The following DPY19L1 variants were observed in gnomAD, a reference collection of about 807,000 sequenced individuals.
The protein encoded by DPY19L1 is protein C-mannosyl-transferase DPY19L1.
In DPY19L1, 35 loss-of-function variants were observed where a neutral mutation model predicts 96.9. The ratio of observed to expected loss-of-function variants is 0.36; its 90% CI spans 0.28 to 0.48. The LOEUF is 0.48. DPY19L1 is among the 20% of genes least tolerant of loss of function. The pLI is 0.99. For synonymous variants in DPY19L1, 205 were observed against 252.6 expected (o/e 0.81, Z 1.79); for missense variants, 521 against 777.9 (o/e 0.67, Z 3.93).
intron 1 of DPY19L1, among the ~76,000 whole-genome samples, chr7:35,032,359 C>T (rs747384230): frequency 2.4e-4 from 37 of 152,028 alleles, no homozygotes; most frequent in Non-Finnish European, 4.7e-4. Context: ...GCCTCAGATT[C>T]CCCCCACGTG....
intron 21 of DPY19L1, among the ~76,000 whole-genome samples, chr7:34,931,963 T>C (rs1380877971): frequency 6.6e-6 from 1 of 152,170 alleles, no homozygotes; most frequent in Non-Finnish European, 1.5e-5. Flanking sequence ...TGTAGATACA[T>C]ATATCCAGGT....
At chr7:35,037,605 C>T, upstream of DPY19L1, 1 of 254,852 alleles carries the variant, frequency 3.9e-6, no homozygotes, top group Non-Finnish European at 7.4e-6. Context: ...GGAGGCGGCG[C>T]CGGACTTGCT....
At chr7:34,976,373 C>T (rs984523362) in intron 7 of DPY19L1, among the ~76,000 whole-genome samples, 11 of 152,094 alleles carry the variant, frequency 7.2e-5, no homozygotes, top group African/African-American at 2.7e-4. Context: ...CTGCTGTAAT[C>T]TCATGATAAA....
At chr7:34,978,061 A>G (rs1469223496) in intron 7 of DPY19L1, among the ~76,000 whole-genome samples, 1 of 152,164 alleles carries the variant, frequency 6.6e-6, no homozygotes, top group Non-Finnish European at 1.5e-5. Flanking sequence ...TCTCAAAAGT[A>G]GCTTAATTTT....
chr7:35,009,781 C>A lies in DPY19L1; in HGVS notation c.764+687G>T, dbSNP rs536572928. Among the ~76,000 whole-genome samples, 35 of 152,128 alleles carry A rather than the reference C, an allele frequency of 2.3e-4. 1 individual carries two copies. In the East Asian group the frequency reaches 4.2e-3, roughly 18 times the overall value. On this transcript the variant is annotated intron_variant, in intron 6 of 21. Transcript: ENST00000638088. ...AGTAGTCTACAGACTTTTTTTACAC[C>A]AAAACTACAGTAAGAAGTAAGACTT...
At position 34,947,641 on chromosome 7, in the gene DPY19L1, T is replaced by C. The variant is rs761440561; in HGVS notation, c.1483A>G (p.Ile495Val). Residue 495 changes from isoleucine to valine, a missense_variant, in exon 15 of 22, where the codon ATT (isoleucine) becomes GTT (valine). Physicochemically the swap from Ile to Val is conservative, Grantham distance 29 (BLOSUM62 3). Transcript: ENST00000638088. ...AGTGATAGACATACCTTTCTAACAA[T>C]AGCAACAAACACTACAAGAACAACT... ...LPVVLVVFVA[I>V]VRKIISDMWG... The C allele has an allele frequency of 1.6e-5, 25 of 1,611,562 alleles. No homozygotes were observed. Among genetic ancestry groups the C allele is most frequent in the African/African-American group, 1.1e-4 (8 of 74,828 alleles).
intron 14 of DPY19L1, among the ~76,000 whole-genome samples, chr7:34,948,307 T>C (rs1312309732): frequency 1.3e-5 from 2 of 152,232 alleles, no homozygotes; most frequent in African/African-American, 4.8e-5. Context: ...GTGTTAATTA[T>C]GGGTTAATAA....
At chr7:35,007,364 T>G (rs533797177) in intron 6 of DPY19L1, among the ~76,000 whole-genome samples, 1 of 151,322 alleles carries the variant, frequency 6.6e-6, no homozygotes, top group South Asian at 2.1e-4. Context: ...GGTCCAAGAG[T>G]TGGGTAACAC....
At chr7:34,946,873 G>A (rs1784158861) in intron 15 of DPY19L1, among the ~76,000 whole-genome samples, 1 of 152,238 alleles carries the variant, frequency 6.6e-6, no homozygotes, top group South Asian at 2.1e-4. Context: ...AAATACTCAT[G>A]TGAAAATGTT....
chr7:34,997,564 C>A (rs566848957), intron 6 of DPY19L1, among the ~76,000 whole-genome samples: 52 of 144,050 alleles, frequency 3.6e-4, no homozygotes, highest in African/African-American at 1.3e-3. Context: ...GAGCTGAGAT[C>A]GCGCCACTGC....
At chr7:34,998,163 G>A (rs917718176) in intron 6 of DPY19L1, among the ~76,000 whole-genome samples, 1 of 152,204 alleles carries the variant, frequency 6.6e-6, no homozygotes, top group African/African-American at 2.4e-5. Flanking sequence ...TGAAGGTATT[G>A]TCCTCTGACT....
chr7:34,959,909 A>AAATATATATATTTT (rs1562806867), intron 10 of DPY19L1, among the ~76,000 whole-genome samples: 6 of 116,988 alleles, frequency 5.1e-5, no homozygotes, highest in Admixed American at 1.6e-4. Flanking sequence ...ATATATATAT[A>AAATATATATATTTT]TATATATATA....
At chr7:34,976,438 A>C (rs1036157848) in intron 7 of DPY19L1, among the ~76,000 whole-genome samples, 1 of 152,238 alleles carries the variant, frequency 6.6e-6, no homozygotes, top group African/African-American at 2.4e-5. Flanking sequence ...GTTTCTTGAA[A>C]TGGGATCTAC....
At position 35,012,304 on chromosome 7, in the gene DPY19L1, T is replaced by A. The variant is rs114300433; in HGVS notation, c.550-854A>T. 5.3e-3 allele frequency among the ~76,000 whole-genome samples: 807 copies of A among 152,286 alleles called. 7 individuals are homozygous for A. The highest frequency in any genetic ancestry group is 0.019 in the African/African-American group (779 of 41,558). On this transcript the variant is annotated intron_variant, in intron 4 of 21. Transcript: ENST00000638088. ...CACAGTGACTGTATCAAAGCTCTCCTCTTCCTCCTACCTCATTCTGCTTCA... is the reference window on the plus strand; with the variant it reads ...CACAGTGACTGTATCAAAGCTCTCCACTTCCTCCTACCTCATTCTGCTTCA...
chr7:34,983,207 C>A (rs1784977464), intron 7 of DPY19L1, among the ~76,000 whole-genome samples: 1 of 151,972 alleles, frequency 6.6e-6, no homozygotes, highest in Non-Finnish European at 1.5e-5. Flanking sequence ...CTAGTTCAAC[C>A]TTCATCATTC....
chr7:34,999,610 G>A (rs1381169817), intron 6 of DPY19L1, among the ~76,000 whole-genome samples: 1 of 152,172 alleles, frequency 6.6e-6, no homozygotes, highest in African/African-American at 2.4e-5. Flanking sequence ...GGAAGGACGG[G>A]TCTAGGATGG....
Position 34,966,880 on chromosome 7 carries a change from T to C in DPY19L1, c.1092+14A>G, listed in dbSNP as rs762684118. Reference sequence around the variant, plus strand: ...GGGCAAACTAAATGGAAAAGAACAATAAAAAATTATTACCATGTGTATATA... The same window carrying C: ...GGGCAAACTAAATGGAAAAGAACAACAAAAAATTATTACCATGTGTATATA... On this transcript the variant is annotated intron_variant, in intron 10 of 21. Coordinates refer to ENST00000638088, the MANE Select transcript of DPY19L1 (RefSeq NM_001366673.1). 98 of 1,512,684 alleles carry C rather than the reference T, an allele frequency of 6.5e-5. No homozygotes were observed. Among genetic ancestry groups the C allele is most frequent in the Non-Finnish European group, 8.2e-5 (93 of 1,128,202 alleles). 93.7% of individuals were successfully genotyped at this position (1,512,684 alleles called of 1,614,324 possible).
intron 1 of DPY19L1, among the ~76,000 whole-genome samples, chr7:35,024,424 A>G (rs995380456): frequency 6.6e-6 from 1 of 152,160 alleles, no homozygotes; most frequent in African/African-American, 2.4e-5. Context: ...TTGAGTTTTA[A>G]AGTTTCTTTC....
intron 14 of DPY19L1, among the ~76,000 whole-genome samples, chr7:34,948,133 A>C (rs1488677247): frequency 2.0e-5 from 3 of 151,932 alleles, no homozygotes. Context: ...TCTATGTTTG[A>C]GGGGAACAAA....
Sources: allele counts gnomAD v4.1 joint callset (sites outside exome capture counted in the v4.1 genomes callset), GRCh38; gene constraint gnomAD v4.1.1; transcripts MANE v1.5; gene names NCBI Gene and HGNC (gene_info 2026-07-23, HGNC 2026-07-21).